GGT1: variants seen among roughly 807,000 people sequenced by gnomAD.
GGT1 encodes gamma-glutamyltransferase 1.
In GGT1, 21 loss-of-function variants were observed where a neutral mutation model predicts 56.0. That is an observed-to-expected ratio of 0.38 (90% CI 0.27 to 0.54). The LOEUF (loss-of-function observed/expected upper bound fraction) is 0.54. Ranked by LOEUF, GGT1 falls within the 20% of genes least tolerant of loss-of-function variation. The pLI, the probability that GGT1 is intolerant of heterozygous loss-of-function variation, is 0.82. For synonymous variants in GGT1, 238 were observed against 342.6 expected, an observed-to-expected ratio of 0.69 and a Z score of 3.37; for missense variants, 466 against 787.0, an observed-to-expected ratio of 0.59 and a Z score of 4.88.
intron 5 of GGT1, among the ~76,000 whole-genome samples, chr22:24,614,117 G>A (rs1349026544): frequency 6.6e-6 from 1 of 151,916 alleles, no homozygotes; most frequent in Non-Finnish European, 1.5e-5. Flanking sequence ...CAAGGTGGGT[G>A]GATCACTTGA....
At chr22:24,592,054 G>A (rs1027485500), upstream of GGT1, among the ~76,000 whole-genome samples, 18 of 152,306 alleles carry the variant, frequency 1.2e-4, no homozygotes, top group African/African-American at 3.8e-4. Flanking sequence ...TCTGCAGGCC[G>A]AACACCTGCA....
At chr22:24,622,237 A>T (rs1319079572) in intron 9 of GGT1, among the ~76,000 whole-genome samples, 1 of 151,248 alleles carries the variant, frequency 6.6e-6, no homozygotes, top group Non-Finnish European at 1.5e-5. Flanking sequence ...GGGGAACAAG[A>T]AAACAAAAAA....
chr22:24,620,071 G>A lies in GGT1; in HGVS notation c.383-257G>A, dbSNP rs1344291977. Reference sequence around the variant, plus strand: ...ATTTAAAAATTAAAAATCCCCTTCTGCTAGGTGTGCTGTTCACGCCTGTAA... The same window carrying A: ...ATTTAAAAATTAAAAATCCCCTTCTACTAGGTGTGCTGTTCACGCCTGTAA... On this transcript the variant is annotated intron_variant, in intron 7 of 15. Coordinates refer to ENST00000400382, the MANE Select transcript of GGT1 (RefSeq NM_001288833.2). The surrounding 1 kb of genome is among the most constrained non-coding windows in gnomAD (Gnocchi z 5.6). 6.6e-6 allele frequency among the ~76,000 whole-genome samples: 1 copy of A among 151,866 alleles called. No homozygotes were observed. The highest frequency in any genetic ancestry group is 1.5e-5 in the Non-Finnish European group (1 of 68,008).
chr22:24,596,302 G>A (rs542983967), intron 1 of GGT1, among the ~76,000 whole-genome samples: 2 of 152,282 alleles, frequency 1.3e-5, no homozygotes, highest in South Asian at 2.1e-4. Flanking sequence ...CCAAGTATAG[G>A]CCAAGCCACA....
chr22:24,611,103 C>T lies in GGT1; in HGVS notation c.22C>T (p.Leu8=). 1 of 1,603,184 alleles carries T rather than the reference C, an allele frequency of 6.2e-7. No individual in the cohort carries two copies. Among genetic ancestry groups the T allele is most frequent in the Non-Finnish European group, 8.5e-7 (1 of 1,175,088 alleles). The change falls in exon 5 of 16, where the codon CTG becomes TTG. Residue 8 remains leucine, a synonymous_variant. Coordinates refer to ENST00000400382, the MANE Select transcript of GGT1 (RefSeq NM_001288833.2). MKKKLVV[L]GLLAVVLVLV... ...AGCCATGAAGAAGAAGTTAGTGGTGCTGGGCCTGCTGGCCGTGGTCCTGGT... is the reference window on the plus strand; with the variant it reads ...AGCCATGAAGAAGAAGTTAGTGGTGTTGGGCCTGCTGGCCGTGGTCCTGGT...
At chr22:24,602,654 G>A (rs1356430040), upstream of GGT1, among the ~76,000 whole-genome samples, 1 of 152,148 alleles carries the variant, frequency 6.6e-6, no homozygotes, top group Non-Finnish European at 1.5e-5. Context: ...TGGGGGTCAA[G>A]GAAGGACCCT....
chr22:24,592,707 G>A (rs2045607208), upstream of GGT1: 4 of 1,261,548 alleles, frequency 3.2e-6, no homozygotes, highest in African/African-American at 1.6e-5. Flanking sequence ...GCAGCCTGTC[G>A]CGCCCTCGGA....
chr22:24,628,972 C>T lies in GGT1; in HGVS notation c.*133C>T. 7.2e-7 allele frequency: 1 copy of T among 1,395,026 alleles called. No individual in the cohort carries two copies. The highest frequency in any genetic ancestry group is 9.8e-7 in the Non-Finnish European group (1 of 1,019,520). 86.4% of individuals were successfully genotyped at this position (1,395,026 alleles called of 1,614,324 possible). ...CAATAAATGAGGCCACTGTGCCAGG[C>T]TCCAGGTGGCCTCCCTGGCCTGTCT... is the stretch of plus-strand genomic sequence containing the variant. On this transcript the variant is annotated 3_prime_UTR_variant, in exon 16 of 16. Coordinates refer to ENST00000400382, the MANE Select transcript of GGT1 (RefSeq NM_001288833.2). This position sits in a 1 kb window ranked among gnomAD's most constrained non-coding sequence, Gnocchi z 5.7.
chr22:24,586,087 G>C, the GGT1 span: 1 of 1,612,522 alleles, frequency 6.2e-7, no homozygotes, highest in Non-Finnish European at 8.5e-7. Context: ...CCACATCCAC[G>C]TTGTTGCCCA....
intron 7 of GGT1, among the ~76,000 whole-genome samples, chr22:24,619,739 C>G (rs3865658): frequency 1.3e-5 from 2 of 151,686 alleles, no homozygotes; most frequent in Non-Finnish European, 2.9e-5. Flanking sequence ...TGCTTGACCT[C>G]GGTCAAGGTG....
intron 11 of GGT1, among the ~76,000 whole-genome samples, chr22:24,626,234 C>T (rs539037114): frequency 1.9e-3 from 277 of 145,688 alleles, no homozygotes; most frequent in Admixed American, 4.8e-3. Flanking sequence ...CGTCGTGATC[C>T]GCCCTCCCAA....
chr22:24,595,188 G>A (rs771153652), intron 1 of GGT1, among the ~76,000 whole-genome samples: 24 of 152,182 alleles, frequency 1.6e-4, no homozygotes, highest in Non-Finnish European at 3.2e-4. Flanking sequence ...TGGCCGAGAG[G>A]TTCCTGGAGG....
At chr22:24,589,878 G>T, upstream of GGT1, 1 of 1,613,958 alleles carries the variant, frequency 6.2e-7, no homozygotes, top group Non-Finnish European at 8.5e-7. Context: ...GGGAGATGGG[G>T]TCGACCGGGT....
upstream of GGT1, among the ~76,000 whole-genome samples, chr22:24,593,481 C>T (rs2045632551): frequency 6.6e-6 from 1 of 152,082 alleles, no homozygotes; most frequent in Admixed American, 6.6e-5. Flanking sequence ...GGTGAATCTC[C>T]GTCTCTACTA....
chr22:24,614,942 G>A (rs1299002779), intron 6 of GGT1, 36 bp downstream of exon 6: 1 of 1,609,290 alleles, frequency 6.2e-7, no homozygotes, highest in Admixed American at 1.7e-5. Context: ...AGAGGGGCAG[G>A]GGGTGTGGGT....
In GGT1 at chr22:24,620,630, A is replaced by G; in HGVS notation, c.575+110A>G. 1 of 1,564,124 alleles carries G rather than the reference A, an allele frequency of 6.4e-7. No individual in the cohort carries two copies. On this transcript the variant is annotated intron_variant, in intron 8 of 15. Transcript: ENST00000400382. The surrounding 1 kb of genome is among the most constrained non-coding windows in gnomAD (Gnocchi z 5.6). ...CCTCTGCCTTCAGGACCCTGTGCTGATAATGGGATGAGGAGATACAGACCC... is the reference window on the plus strand; with the variant it reads ...CCTCTGCCTTCAGGACCCTGTGCTGGTAATGGGATGAGGAGATACAGACCC...
chr22:24,585,920 A>G, the GGT1 span: 2 of 1,604,866 alleles, frequency 1.2e-6, no homozygotes, highest in South Asian at 2.2e-5. Context: ...CTCGGGTCCC[A>G]GCCCAGCAGC....
At position 24,614,844 on chromosome 22, in the gene GGT1, T is replaced by G. The variant is rs746528964; in HGVS notation, c.233T>G (p.Met78Arg). Reference sequence around the variant, plus strand: ...GCAGCCCTGTTGTGTGTGGGGCTCATGAATGCCCACAGCATGGGCATCGGG... The same window carrying G: ...GCAGCCCTGTTGTGTGTGGGGCTCAGGAATGCCCACAGCATGGGCATCGGG... ...AIAALLCVGL[M>R]NAHSMGIGGG... The change falls in exon 6 of 16, where the codon ATG (methionine) becomes AGG (arginine). Residue 78 changes from methionine (M) to arginine (R), a missense_variant. Met to Arg is a moderately conservative substitution (Grantham distance 91). This residue lies in a region of GGT1 where 456 missense variants were observed against 716.7 expected (regional missense o/e 0.64). Transcript: ENST00000400382. 5 of 1,612,330 alleles carry G rather than the reference T, an allele frequency of 3.1e-6. No individual in the cohort carries two copies. The South Asian group carries it at 5.5e-5, about 18-fold the overall frequency.
At chr22:24,596,015 A>G (rs1452263248) in intron 1 of GGT1, among the ~76,000 whole-genome samples, 1 of 152,142 alleles carries the variant, frequency 6.6e-6, no homozygotes, top group Non-Finnish European at 1.5e-5. Context: ...GCAGATGGAT[A>G]CTCTATGGAG....
Sources: allele counts gnomAD v4.1 joint callset (sites outside exome capture counted in the v4.1 genomes callset), GRCh38; gene constraint gnomAD v4.1.1; regional missense constraint gnomAD v4.1.1; non-coding constraint Gnocchi (gnomAD v3.1); transcripts MANE v1.5; gene names NCBI Gene and HGNC (gene_info 2026-07-23, HGNC 2026-07-21).